Variants in ROBO2 observed in about 807,000 individuals in gnomAD.
ROBO2 encodes roundabout homolog 2.
ROBO2 carries 53 observed loss-of-function variants against 160.8 expected under a neutral mutation model. The observed-to-expected ratio is 0.33, with a 90% CI of 0.26 to 0.41. The LOEUF is 0.41. ROBO2 is among the 10% of genes least tolerant of loss of function. The probability of loss-of-function intolerance (pLI) is 1.00; values close to 1 mark genes in which losing one functional copy is unlikely to be tolerated. For missense variants in ROBO2, 1,577 were observed against 1,722.4 expected, an observed-to-expected ratio of 0.92 and a Z score of 1.49; for synonymous variants, 664 against 611.7, an observed-to-expected ratio of 1.09 and a Z score of -1.26.
chr3:75,983,750 G>A (rs1307104205), intron 2 of ROBO2, among the ~76,000 whole-genome samples: 1 of 151,270 alleles, frequency 6.6e-6, no homozygotes, highest in African/African-American at 2.4e-5. Flanking sequence ...TAGATATTTT[G>A]AAGTCTGCTA....
intron 2 of ROBO2, among the ~76,000 whole-genome samples, chr3:77,135,179 T>C (rs1579285737): frequency 6.6e-6 from 1 of 152,168 alleles, no homozygotes; most frequent in African/African-American, 2.4e-5. Context: ...TGCTGCGATT[T>C]TTAATTGGGA....
At chr3:77,399,244 A>T (rs1322392292) in intron 2 of ROBO2, among the ~76,000 whole-genome samples, 1 of 152,214 alleles carries the variant, frequency 6.6e-6, no homozygotes, top group Admixed American at 6.5e-5. Context: ...TGATAAAGAG[A>T]ATTAAGTTTA....
intron 2 of ROBO2, among the ~76,000 whole-genome samples, chr3:76,276,450 A>G (rs147690427): frequency 0.04 from 6,096 of 152,176 alleles, 347 homozygotes; most frequent in African/African-American, 0.12. Context: ...GAATATTTTC[A>G]TTAATATAGA....
chr3:76,647,529 G>T (rs1186662652), intron 2 of ROBO2, among the ~76,000 whole-genome samples: 4 of 152,204 alleles, frequency 2.6e-5, no homozygotes, highest in African/African-American at 9.7e-5. Context: ...ATTGAAAATG[G>T]TTAAAATCTT....
rs543377196 is a variant in ROBO2 at position 76,596,804 on chromosome 3, T to C, written c.110-501210T>C. Among the ~76,000 whole-genome samples, 57 of 152,266 alleles carry C rather than the reference T, an allele frequency of 3.7e-4. 1 individual carries two copies. The highest frequency in any genetic ancestry group is 3.4e-3 in the Admixed American group (52 of 15,288). On this transcript the variant is annotated intron_variant, in intron 2 of 26. Coordinates refer to the ROBO2 transcript ENST00000487694. ...CCCATTAAAGGTGGTATAGGAGACA[T>C]TGATTTTAACAGCTGTCATTATAAT...
chr3:77,085,761 C>A (rs1201447208), intron 1 of ROBO2, among the ~76,000 whole-genome samples: 1 of 151,942 alleles, frequency 6.6e-6, no homozygotes, highest in African/African-American at 2.4e-5. Flanking sequence ...TGACTTGGGC[C>A]TTTTATTTAA....
chr3:76,216,286 A>C (rs998245735), intron 2 of ROBO2, among the ~76,000 whole-genome samples: 2 of 152,212 alleles, frequency 1.3e-5, no homozygotes, highest in African/African-American at 4.8e-5. Context: ...CATCATAATG[A>C]GAGGATAAAA....
chr3:76,822,365 T>C (rs1047651913), intron 2 of ROBO2, among the ~76,000 whole-genome samples: 1 of 151,972 alleles, frequency 6.6e-6, no homozygotes, highest in African/African-American at 2.4e-5. Context: ...AATTATTCCA[T>C]AAATATAGAC....
At chr3:77,045,435 A>C (rs138897900) in intron 1 of ROBO2, among the ~76,000 whole-genome samples, 3 of 152,334 alleles carry the variant, frequency 2.0e-5, no homozygotes, top group Non-Finnish European at 4.4e-5. Context: ...TATAAGATCC[A>C]TCAGCACAGA....
At chr3:76,489,989 A>C (rs1332143371) in intron 2 of ROBO2, among the ~76,000 whole-genome samples, 1 of 152,138 alleles carries the variant, frequency 6.6e-6, no homozygotes, top group East Asian at 1.9e-4. Context: ...AAAGTGTATT[A>C]TTTGCTCTGC....
chr3:76,095,659 T>A (rs780906236), intron 2 of ROBO2, among the ~76,000 whole-genome samples: 29 of 151,956 alleles, frequency 1.9e-4, no homozygotes, highest in Non-Finnish European at 3.8e-4. Context: ...AAACTCCACA[T>A]AGAAAATACT....
intron 2 of ROBO2, among the ~76,000 whole-genome samples, chr3:77,010,319 A>G (rs1156310601): frequency 6.6e-6 from 1 of 152,186 alleles, no homozygotes; most frequent in African/African-American, 2.4e-5. Flanking sequence ...GACTGTTACA[A>G]TAGTTTTATA....
At chr3:76,301,707 A>G (rs1264447925) in intron 2 of ROBO2, among the ~76,000 whole-genome samples, 1 of 152,038 alleles carries the variant, frequency 6.6e-6, no homozygotes, top group South Asian at 2.1e-4. Flanking sequence ...TTTCCCCCCA[A>G]AATGTATTCT....
At chr3:76,232,489 G>A (rs927506733) in intron 2 of ROBO2, among the ~76,000 whole-genome samples, 4 of 152,136 alleles carry the variant, frequency 2.6e-5, no homozygotes, top group African/African-American at 4.8e-5. Flanking sequence ...ATCTTGGAAA[G>A]GAGAATATAT....
intron 2 of ROBO2, among the ~76,000 whole-genome samples, chr3:76,648,685 T>G (rs1364819077): frequency 6.6e-6 from 1 of 152,118 alleles, no homozygotes; most frequent in Non-Finnish European, 1.5e-5. Flanking sequence ...TGAGGTCAGG[T>G]ATCAATGATT....
intron 2 of ROBO2, among the ~76,000 whole-genome samples, chr3:76,760,584 T>C (rs865931327): frequency 1.3e-5 from 2 of 151,738 alleles, no homozygotes; most frequent in African/African-American, 4.8e-5. Context: ...TTTTCTCCTC[T>C]GATTAAAAAT....
At chr3:77,006,177 C>T (rs1051953785) in intron 2 of ROBO2, among the ~76,000 whole-genome samples, 1 of 151,918 alleles carries the variant, frequency 6.6e-6, no homozygotes. Context: ...GTTAAGGATT[C>T]ACTGTACCTT....
At chr3:76,278,432 A>G (rs1412245148) in intron 2 of ROBO2, among the ~76,000 whole-genome samples, 3 of 152,006 alleles carry the variant, frequency 2.0e-5, no homozygotes. Context: ...TTATATTTGT[A>G]TAAACCATTG....
intron 2 of ROBO2, among the ~76,000 whole-genome samples, chr3:75,960,814 C>T (rs1948884182): frequency 6.6e-6 from 1 of 151,384 alleles, no homozygotes; most frequent in Admixed American, 6.6e-5. Flanking sequence ...AAGAGAACTT[C>T]CTAAATTACA....
Sources: gnomAD v4.1 joint callset for allele counts (sites outside exome capture counted in the v4.1 genomes callset) on GRCh38, gnomAD v4.1.1 for gene constraint, MANE v1.5 for transcripts, NCBI Gene and HGNC (gene_info 2026-07-23, HGNC 2026-07-21) for gene names.